Variants in EYS observed in about 807,000 individuals in gnomAD.
The protein encoded by EYS is protein eyes shut homolog.
Under a neutral mutation model 282.1 loss-of-function variants are expected in EYS, and 250 were observed. That is an observed-to-expected ratio of 0.89 (90% CI 0.80 to 0.98). EYS has a LOEUF of 0.98. EYS is among the 50% of genes least tolerant of loss of function. The pLI, the probability that EYS is intolerant of heterozygous loss-of-function variation, is 0.00. For missense variants in EYS, 4,016 were observed against 3,709.0 expected, an observed-to-expected ratio of 1.08 and a Z score of -2.15; for synonymous variants, 1,355 against 1,282.9, an observed-to-expected ratio of 1.06 and a Z score of -1.20.
At chr6:65,453,277 T>C (rs9351503) in intron 5 of EYS, among the ~76,000 whole-genome samples, 28,132 of 151,970 alleles carry the variant, frequency 0.19, 3,252 homozygotes, top group Middle Eastern at 0.3. Flanking sequence ...GACATTTAGA[T>C]AGCATTTGGC....
At chr6:65,539,894 T>A (rs931520866) in intron 2 of EYS, among the ~76,000 whole-genome samples, 1 of 152,196 alleles carries the variant, frequency 6.6e-6, no homozygotes, top group African/African-American at 2.4e-5. Context: ...TCCAACCAGA[T>A]GTGTAAGCTC....
intron 22 of EYS, among the ~76,000 whole-genome samples, chr6:64,762,003 A>G (rs1773176056): frequency 6.6e-6 from 1 of 152,190 alleles, no homozygotes; most frequent in Non-Finnish European, 1.5e-5. Flanking sequence ...ACTTAATAAT[A>G]ATGAATGAAT....
At chr6:63,783,885 T>A (rs1231953843) in intron 39 of EYS, among the ~76,000 whole-genome samples, 1 of 152,200 alleles carries the variant, frequency 6.6e-6, no homozygotes, top group Non-Finnish European at 1.5e-5. Flanking sequence ...ATTGTGTGTG[T>A]GTGTGTGTGT....
intron 35 of EYS, among the ~76,000 whole-genome samples, chr6:63,983,554 T>G (rs1767208412): frequency 6.6e-6 from 1 of 151,842 alleles, no homozygotes; most frequent in South Asian, 2.1e-4. Context: ...TGTATAGAGA[T>G]GTTTATTTTT....
At chr6:63,842,198 A>G (rs1177239361) in intron 36 of EYS, among the ~76,000 whole-genome samples, 4 of 152,184 alleles carry the variant, frequency 2.6e-5, no homozygotes, top group Admixed American at 2.6e-4. Flanking sequence ...GGCTTCCACA[A>G]TGGTTGAACT....
chr6:64,689,617 A>T (rs980841378), intron 22 of EYS, among the ~76,000 whole-genome samples: 2 of 152,180 alleles, frequency 1.3e-5, no homozygotes, highest in African/African-American at 4.8e-5. Context: ...TGGTACTGGT[A>T]CCAAAACAGA....
At chr6:64,203,443 G>A (rs557604587) in intron 31 of EYS, among the ~76,000 whole-genome samples, 3 of 152,280 alleles carry the variant, frequency 2.0e-5, no homozygotes, top group South Asian at 4.1e-4. Flanking sequence ...GCATCTGAGT[G>A]AGCCAGACTG....
chr6:64,386,709 G>T (rs1430371626), intron 29 of EYS, among the ~76,000 whole-genome samples: 4 of 151,904 alleles, frequency 2.6e-5, no homozygotes, highest in Non-Finnish European at 2.9e-5. Context: ...AAGCCAACCT[G>T]GTCATTAAAA....
chr6:65,081,965 G>A (rs2150172003), intron 12 of EYS, among the ~76,000 whole-genome samples: 1 of 152,142 alleles, frequency 6.6e-6, no homozygotes, highest in Admixed American at 6.6e-5. Flanking sequence ...CACTGTCGGT[G>A]CAAGGTGTAT....
chr6:65,442,856 G>T (rs1041432771), intron 5 of EYS, among the ~76,000 whole-genome samples: 1 of 123,068 alleles, frequency 8.1e-6, no homozygotes, highest in Non-Finnish European at 1.9e-5. Flanking sequence ...ACATACATAT[G>T]TACATATATA....
intron 15 of EYS, among the ~76,000 whole-genome samples, chr6:64,942,747 A>T (rs1365379185): frequency 6.7e-6 from 1 of 150,240 alleles, no homozygotes; most frequent in Non-Finnish European, 1.5e-5. Flanking sequence ...AACTAAATAA[A>T]GCCCCAGACC....
intron 26 of EYS, among the ~76,000 whole-genome samples, chr6:64,473,020 T>C (rs1776162579): frequency 6.6e-6 from 1 of 152,212 alleles, no homozygotes; most frequent in African/African-American, 2.4e-5. Context: ...TGATCTTTCA[T>C]TTATTTTGAT....
chr6:64,228,162 T>G (rs1766305887), intron 31 of EYS, among the ~76,000 whole-genome samples: 1 of 152,114 alleles, frequency 6.6e-6, no homozygotes, highest in African/African-American at 2.4e-5. Context: ...AGATTACATT[T>G]AGAGCAATAG....
At chr6:65,167,111 A>C (rs780392617) in intron 12 of EYS, among the ~76,000 whole-genome samples, 47 of 151,294 alleles carry the variant, frequency 3.1e-4, no homozygotes, top group Middle Eastern at 3.4e-3. Flanking sequence ...ATGGTAATGC[A>C]CTTTGGAACA....
At chr6:64,991,047 A>G (rs1771044788) in intron 14 of EYS, among the ~76,000 whole-genome samples, 1 of 151,404 alleles carries the variant, frequency 6.6e-6, no homozygotes, top group African/African-American at 2.4e-5. Context: ...AGATAATTAT[A>G]CAGGTCATCA....
chr6:65,694,357 T>C (rs1438717279), intron 1 of EYS, among the ~76,000 whole-genome samples: 4 of 149,648 alleles, frequency 2.7e-5, no homozygotes, highest in Admixed American at 1.4e-4. Context: ...TAGTAACTTA[T>C]GGAGTTTAAT....
chr6:64,272,479 A>G lies in EYS; in HGVS notation c.6191+34491T>C, dbSNP rs552595591. Among the ~76,000 whole-genome samples the G allele has an allele frequency of 1.4e-4, 21 of 152,196 alleles. No individual in the cohort carries two copies. In the South Asian group the frequency reaches 2.7e-3, roughly 20 times the overall value. ...TGTAAGTCAGCCTGGTGGTGACAAA[A>G]TCTCTCAGCATTTGCTTGTCTGTAA... On this transcript the variant is annotated intron_variant, in intron 30 of 42. Transcript: ENST00000503581.
chr6:65,517,197 A>G (rs1582404870), intron 2 of EYS, among the ~76,000 whole-genome samples: 1 of 151,968 alleles, frequency 6.6e-6, no homozygotes, highest in African/African-American at 2.4e-5. Context: ...ATCTAAGGAT[A>G]TTATATTATT....
Position 63,726,595 on chromosome 6 carries a change from A to G in EYS, c.8157T>C (p.His2719=), listed in dbSNP as rs1419791498. The change falls in exon 42 of 43, where the codon CAT becomes CAC. Residue 2719 remains histidine, a synonymous_variant. Coordinates refer to ENST00000503581, the MANE Select transcript of EYS (RefSeq NM_001142800.2). ...CGAGAGGCTGAAACTGCAATTGAAT[A>G]TGTGTCTTTTTTCGAACATGAAAGG... is the stretch of plus-strand genomic sequence containing the variant. ...FASFHVRKKT[H]IQLQFQPLAA... 24 of 1,551,240 alleles carry G rather than the reference A, an allele frequency of 1.5e-5. No individual in the cohort carries two copies. Among genetic ancestry groups the G allele is most frequent in the Admixed American group, 3.9e-5 (2 of 50,972 alleles).
Sources: allele counts gnomAD v4.1 joint callset (sites outside exome capture counted in the v4.1 genomes callset), GRCh38; gene constraint gnomAD v4.1.1; transcripts MANE v1.5; gene names NCBI Gene and HGNC (gene_info 2026-07-23, HGNC 2026-07-21).